The following AJAP1 variants were observed in gnomAD, a reference collection of about 807,000 sequenced individuals.
AJAP1 encodes adherens junction-associated protein 1.
Under a neutral mutation model 35.0 loss-of-function variants are expected in AJAP1, and 5 were observed. The ratio of observed to expected loss-of-function variants is 0.14; its 90% CI spans 0.07 to 0.30. The LOEUF is 0.30. Among genes scored for constraint, AJAP1 ranks in the 10% least tolerant of loss-of-function variants. The pLI is 1.00. For synonymous variants in AJAP1, 284 were observed against 249.3 expected (o/e 1.14, Z -1.31); for missense variants, 586 against 571.0 (o/e 1.03, Z -0.27).
At chr1:4,736,463 C>T (rs1640926074) in intron 2 of AJAP1, among the ~76,000 whole-genome samples, 1 of 152,254 alleles carries the variant, frequency 6.6e-6, no homozygotes, top group South Asian at 2.1e-4. Flanking sequence ...TACTTCCCCT[C>T]CCACACATCT....
chr1:4,769,827 C>T (rs770802565), intron 2 of AJAP1, 26 bp from the exon 3 acceptor site: 6 of 1,601,894 alleles, frequency 3.7e-6, no homozygotes, highest in South Asian at 2.2e-5. Flanking sequence ...TCACGGGTGC[C>T]CTCTTCCCTC....
intron 2 of AJAP1, among the ~76,000 whole-genome samples, chr1:4,732,375 C>T (rs1400631445): frequency 6.6e-6 from 1 of 152,244 alleles, no homozygotes; most frequent in Non-Finnish European, 1.5e-5. Flanking sequence ...CAAGGCCATG[C>T]CTATGTGAAA....
intron 2 of AJAP1, among the ~76,000 whole-genome samples, chr1:4,727,061 G>C (rs1206947439): frequency 6.6e-6 from 1 of 152,256 alleles, no homozygotes; most frequent in Non-Finnish European, 1.5e-5. Context: ...GTGGCAGCAG[G>C]TTGCCATTGC....
At chr1:4,678,149 T>C (rs1385871337) in intron 1 of AJAP1, among the ~76,000 whole-genome samples, 1 of 152,216 alleles carries the variant, frequency 6.6e-6, no homozygotes, top group African/African-American at 2.4e-5. Context: ...TGTGAATCTT[T>C]CCTGTGGCCT....
chr1:4,722,181 G>A (rs79522089), intron 2 of AJAP1, among the ~76,000 whole-genome samples: 16,867 of 152,164 alleles, frequency 0.11, 1,204 homozygotes, highest in Admixed American at 0.25. Flanking sequence ...GGTTGCATGC[G>A]GGGGAACTTC....
intron 1 of AJAP1, among the ~76,000 whole-genome samples, chr1:4,705,431 A>G (rs1378180883): frequency 6.6e-5 from 3 of 45,114 alleles, no homozygotes; most frequent in Non-Finnish European, 1.3e-4. Context: ...TTTTTTTTTA[A>G]TGAGTACTCC....
intron 1 of AJAP1, among the ~76,000 whole-genome samples, chr1:4,685,453 T>G (rs571204994): frequency 6.6e-5 from 10 of 152,274 alleles, no homozygotes; most frequent in African/African-American, 2.4e-4. Flanking sequence ...TGAGGATGCT[T>G]ATTTAGGGGG....
Position 4,788,831 on chromosome 1 carries a change from C to T in AJAP1, c.*6346C>T, listed in dbSNP as rs1215110407. On this transcript the variant is annotated 3_prime_UTR_variant, in exon 6 of 6. Coordinates refer to ENST00000378191, the MANE Select transcript of AJAP1 (RefSeq NM_018836.4). ...TAGGGCATGGGGAGGAAAGTTCTCT[C>T]CATCGATTCCCAAACACACCAGCCA... 6.6e-6 allele frequency: 1 copy of T among 152,222 alleles called. No individual in the cohort carries two copies. The highest frequency in any genetic ancestry group is 1.5e-5 in the Non-Finnish European group (1 of 68,142). 9.4% of individuals were successfully genotyped at this position (152,222 alleles called of 1,614,324 possible).
At chr1:4,681,062 TG>T (rs1363776242) in intron 1 of AJAP1, among the ~76,000 whole-genome samples, 3 of 152,336 alleles carry the variant, frequency 2.0e-5, no homozygotes, top group Non-Finnish European at 4.4e-5. Context: ...TTTAAAATCC[TG>T]GGGGGAAGAG....
intron 1 of AJAP1, among the ~76,000 whole-genome samples, chr1:4,663,600 G>T (rs1639051061): frequency 6.6e-6 from 1 of 152,224 alleles, no homozygotes; most frequent in African/African-American, 2.4e-5. Flanking sequence ...GCCTGGAGGA[G>T]CTCCTGGCAT....
chr1:4,712,357 G>T lies in AJAP1; in HGVS notation c.487G>T (p.Gly163Cys). The change falls in exon 2 of 6, where the codon GGT becomes TGT. Residue 163 changes from glycine to cysteine, a missense_variant. Transcript: ENST00000378191. ...RRGKRHLQGD[G>C]LSSFDSRGSR... ...GGGCAAGAGGCACCTGCAGGGGGAC[G>T]GTCTCAGCAGCTTCGACTCCAGAGG... The T allele has an allele frequency of 6.6e-7, 1 of 1,510,824 alleles. No homozygotes were observed. The highest frequency in any genetic ancestry group is 8.9e-7 in the Non-Finnish European group (1 of 1,126,998). The allele number at this position is 1,510,824 out of a possible 1,614,324, so 93.6% of individuals were successfully genotyped here. A position where few individuals can be genotyped will look rare whatever the true frequency, so the allele number is the denominator to read the frequency against.
intron 1 of AJAP1, among the ~76,000 whole-genome samples, chr1:4,661,282 C>T (rs549482177): frequency 6.6e-6 from 1 of 152,214 alleles, no homozygotes; most frequent in Non-Finnish European, 1.5e-5. Flanking sequence ...GGAACTAATA[C>T]TGTAATACTG....
At chr1:4,743,171 T>C (rs1641109288) in intron 2 of AJAP1, among the ~76,000 whole-genome samples, 1 of 152,234 alleles carries the variant, frequency 6.6e-6, no homozygotes, top group South Asian at 2.1e-4. Context: ...CTTGTTGAAA[T>C]GGACATGTGT....
chr1:4,725,938 C>T (rs1389650518), intron 2 of AJAP1, among the ~76,000 whole-genome samples: 1 of 152,232 alleles, frequency 6.6e-6, no homozygotes, highest in Non-Finnish European at 1.5e-5. Context: ...TCTCCAAATA[C>T]AGTCACATTA....
chr1:4,690,367 G>A (rs960312068), intron 1 of AJAP1, among the ~76,000 whole-genome samples: 1 of 152,168 alleles, frequency 6.6e-6, no homozygotes, highest in African/African-American at 2.4e-5. Context: ...AGCTACTTGT[G>A]TGACCTCTTG....
At chr1:4,666,861 G>A (rs1219991657) in intron 1 of AJAP1, among the ~76,000 whole-genome samples, 3 of 150,178 alleles carry the variant, frequency 2.0e-5, no homozygotes, top group Non-Finnish European at 4.5e-5. Flanking sequence ...GTGAATCACA[G>A]GAGGGTGCAG....
In AJAP1 at chr1:4,654,620, G is replaced by T; in HGVS notation, c.-806G>T. 1.3e-5 allele frequency: 2 copies of T among 151,318 alleles called. No homozygotes were observed. The highest frequency in any genetic ancestry group is 3.6e-4 in the South Asian group (2 of 5,568). 9.4% of individuals were successfully genotyped at this position (151,318 alleles called of 1,614,324 possible). ...GCGCGCGGAGAGGCAGACGCGAGGA[G>T]GGAGGCGGCTGAGCAGCGCGGGCGG... is the stretch of plus-strand genomic sequence containing the variant. On this transcript the variant is annotated 5_prime_UTR_variant, in exon 1 of 6. In the 5' UTR this introduces an upstream ATG that the reference lacks. Transcript: ENST00000378191. This position sits in a 1 kb window ranked among gnomAD's most constrained non-coding sequence, Gnocchi z 5.1.
At position 4,693,244 on chromosome 1, in the gene AJAP1, C is replaced by T. The variant is rs544816405; in HGVS notation, c.30-18656C>T. 6.5e-4 allele frequency among the ~76,000 whole-genome samples: 99 copies of T among 152,224 alleles called. No individual in the cohort carries two copies. Among genetic ancestry groups the T allele is most frequent in the African/African-American group, 1.8e-3 (75 of 41,560 alleles). The stretch of plus-strand genomic sequence containing the variant: ...GGGAGGCGCCCATGGGAACTTTAGA[C>T]ACCAGGCCACTCAACTGAGGGGAGA... On this transcript the variant is annotated intron_variant, in intron 1 of 5. Coordinates refer to ENST00000378191, the MANE Select transcript of AJAP1 (RefSeq NM_018836.4). This position sits in a 1 kb window ranked among gnomAD's most constrained non-coding sequence, Gnocchi z 4.4.
At chr1:4,680,913 G>A (rs985926885) in intron 1 of AJAP1, among the ~76,000 whole-genome samples, 4 of 152,100 alleles carry the variant, frequency 2.6e-5, no homozygotes, top group Non-Finnish European at 5.9e-5. Context: ...ACATTTTAGT[G>A]TCTTATAACC....
Sources: gnomAD v4.1 joint callset for allele counts (sites outside exome capture counted in the v4.1 genomes callset) on GRCh38, gnomAD v4.1.1 for gene constraint, Gnocchi (gnomAD v3.1) non-coding constraint, MANE v1.5 for transcripts, NCBI Gene and HGNC (gene_info 2026-07-23, HGNC 2026-07-21) for gene names.